RBFOX1: variants seen among roughly 807,000 people sequenced by gnomAD.
The protein encoded by RBFOX1 is RNA binding protein fox-1 homolog 1.
A neutral mutation model predicts 57.7 loss-of-function variants in RBFOX1; 8 were observed. The observed-to-expected ratio is 0.14, with a 90% CI of 0.08 to 0.25. The LOEUF (loss-of-function observed/expected upper bound fraction) is 0.25. RBFOX1 is among the 10% of genes least tolerant of loss of function. The pLI, the probability that RBFOX1 is intolerant of heterozygous loss-of-function variation, is 1.00. For missense variants in RBFOX1, 611 were observed against 548.5 expected (o/e 1.11, Z -1.14); for synonymous variants, 326 against 222.4 (o/e 1.47, Z -4.15).
In RBFOX1 at chr16:5,805,065, G is replaced by T. The variant is rs183801046; in HGVS notation, c.319-62238G>T. ...CAGTTTGGGGAGCATTGAGTTGTTT[G>T]AATCAAAAGAAGGTGATCTAGTGTG... On this transcript the variant is annotated intron_variant, in intron 3 of 19. Coordinates refer to the RBFOX1 transcript ENST00000641259. 1.1e-3 allele frequency among the ~76,000 whole-genome samples: 172 copies of T among 152,222 alleles called. 1 individual carries two copies. Among genetic ancestry groups the T allele is most frequent in the Non-Finnish European group, 1.3e-3 (89 of 68,016 alleles).
chr16:6,215,569 G>T (rs139295535), intron 1 of RBFOX1, among the ~76,000 whole-genome samples: 21 of 152,212 alleles, frequency 1.4e-4, no homozygotes, highest in African/African-American at 4.8e-4. Context: ...ACTAGCAGTT[G>T]TAAACACACC....
intron 2 of RBFOX1, among the ~76,000 whole-genome samples, chr16:6,357,141 G>T (rs1176161532): frequency 6.6e-6 from 1 of 151,986 alleles, no homozygotes; most frequent in African/African-American, 2.4e-5. Context: ...ATTTTAGTTT[G>T]CTTCCAATGG....
At chr16:6,794,942 T>C (rs781424590) in intron 3 of RBFOX1, among the ~76,000 whole-genome samples, 2 of 152,136 alleles carry the variant, frequency 1.3e-5, no homozygotes, top group Non-Finnish European at 2.9e-5. Flanking sequence ...ACCTCAAATA[T>C]TGAGTAATTT....
chr16:6,501,187 C>T (rs1486179013), intron 2 of RBFOX1, among the ~76,000 whole-genome samples: 2 of 144,616 alleles, frequency 1.4e-5, no homozygotes, highest in African/African-American at 5.2e-5. Flanking sequence ...ATGTGCACAA[C>T]GTGCAGGTTT....
chr16:5,821,391 C>T (rs1054254738), intron 3 of RBFOX1, among the ~76,000 whole-genome samples: 2 of 147,632 alleles, frequency 1.4e-5, no homozygotes, highest in Admixed American at 1.4e-4. Context: ...TAGCCTTTGA[C>T]TCCTGGACAT....
Position 7,005,369 on chromosome 16 carries a change from A to C in RBFOX1, c.-15-46688A>C, listed in dbSNP as rs117513960. 7.6e-3 allele frequency among the ~76,000 whole-genome samples: 1,153 copies of C among 152,272 alleles called. 8 individuals are homozygous for C. The highest frequency in any genetic ancestry group is 0.012 in the Non-Finnish European group (804 of 68,024). ...GAGAAAGACTAAGTTGACTTATAGA[A>C]TAGAGGGATGGCAAGGAAACATCCC... On this transcript the variant is annotated intron_variant, in intron 3 of 15. Coordinates refer to ENST00000550418, the MANE Select transcript of RBFOX1 (RefSeq NM_018723.4).
rs185127443 is a variant in RBFOX1, at chr16:7,527,212, T to C, written c.270+8823T>C. Among the ~76,000 whole-genome samples, 147 of 152,312 alleles carry C rather than the reference T, an allele frequency of 9.7e-4. 1 individual carries two copies. Among genetic ancestry groups the C allele is most frequent in the African/African-American group, 3.4e-3 (143 of 41,572 alleles). ...AATTTGAAGACATGGGTACTGTCTC[T>C]TGTTTCCTTAGGAGCCTGAGCACTA... is the stretch of plus-strand genomic sequence containing the variant. On this transcript the variant is annotated intron_variant, in intron 5 of 15. Transcript: ENST00000550418.
Position 6,261,308 on chromosome 16 carries a change from G to A in RBFOX1, c.-126-55687G>A, listed in dbSNP as rs577112516. ...CCAAAATCAGTGTCTTTGAGTCCTGGTGTTAGCCTCATCTTTCAGTTTTTC... is the reference window on the plus strand; with the variant it reads ...CCAAAATCAGTGTCTTTGAGTCCTGATGTTAGCCTCATCTTTCAGTTTTTC... On this transcript the variant is annotated intron_variant, in intron 1 of 15. Transcript: ENST00000550418. Among the ~76,000 whole-genome samples the A allele has an allele frequency of 6.4e-4, 98 of 152,288 alleles. 1 individual carries two copies. The highest frequency in any genetic ancestry group is 2.0e-3 in the African/African-American group (82 of 41,572).
intron 1 of RBFOX1, among the ~76,000 whole-genome samples, chr16:6,048,835 A>G (rs1163310590): frequency 6.6e-6 from 1 of 152,112 alleles, no homozygotes; most frequent in Non-Finnish European, 1.5e-5. Flanking sequence ...TCCTTTTATG[A>G]CACAGGTGGT....
At chr16:5,247,016 A>G (rs1295424831) in intron 1 of RBFOX1, among the ~76,000 whole-genome samples, 1 of 152,074 alleles carries the variant, frequency 6.6e-6, no homozygotes, top group Non-Finnish European at 1.5e-5. Context: ...ATCAGGTGGT[A>G]TTTGTCGTTC....
chr16:6,826,565 C>G (rs1327978417), intron 3 of RBFOX1, among the ~76,000 whole-genome samples: 4 of 152,142 alleles, frequency 2.6e-5, no homozygotes, highest in African/African-American at 9.7e-5. Flanking sequence ...TGCGGGCATG[C>G]GTGCTCTCAC....
chr16:5,768,412 C>A (rs2053861862), intron 3 of RBFOX1, among the ~76,000 whole-genome samples: 1 of 152,134 alleles, frequency 6.6e-6, no homozygotes, highest in African/African-American at 2.4e-5. Flanking sequence ...TCAACATGAC[C>A]TCACTGTTTA....
At chr16:7,387,417 G>A (rs79217926) in intron 4 of RBFOX1, among the ~76,000 whole-genome samples, 1 of 152,174 alleles carries the variant, frequency 6.6e-6, no homozygotes, top group African/African-American at 2.4e-5. Flanking sequence ...TCACTGGATC[G>A]TACTGACATG....
intron 3 of RBFOX1, among the ~76,000 whole-genome samples, chr16:6,803,833 T>A (rs944548297): frequency 7.2e-5 from 11 of 152,132 alleles, no homozygotes; most frequent in African/African-American, 2.7e-4. Context: ...CATTTCTAAT[T>A]TTTTCCTAAA....
chr16:7,000,596 C>CTTTTTTTTTTTTTTTTT (rs759103545), intron 3 of RBFOX1, among the ~76,000 whole-genome samples: 178 of 92,562 alleles, frequency 1.9e-3, no homozygotes, highest in East Asian at 7.5e-3. Flanking sequence ...CTTTTTCTTT[C>CTTTTTTTTTTTTTTTTT]TTTTTTTTTT....
At chr16:5,390,291 C>CTT (rs549557876) in intron 1 of RBFOX1, among the ~76,000 whole-genome samples, 5 of 108,478 alleles carry the variant, frequency 4.6e-5, no homozygotes, top group African/African-American at 1.3e-4. Context: ...TTTTTTTTTT[C>CTT]TTTTTTTTTT....
intron 3 of RBFOX1, among the ~76,000 whole-genome samples, chr16:6,813,335 A>C (rs1057221770): frequency 6.6e-6 from 1 of 152,170 alleles, no homozygotes; most frequent in African/African-American, 2.4e-5. Flanking sequence ...AGTTGACCAC[A>C]TTCATGTAAC....
At chr16:5,413,206 A>C (rs1484468164) in intron 1 of RBFOX1, among the ~76,000 whole-genome samples, 1 of 152,172 alleles carries the variant, frequency 6.6e-6, no homozygotes, top group African/African-American at 2.4e-5. Context: ...TTAACTAAGA[A>C]AAAAAACCTG....
rs79756455 is a variant in RBFOX1 at position 7,290,839 on chromosome 16, T to C, written c.28-227308T>C. Among the ~76,000 whole-genome samples the C allele has an allele frequency of 3.3e-5, 5 of 152,322 alleles. No homozygotes were observed. In the East Asian group the frequency reaches 9.6e-4, roughly 29 times the overall value. Reference sequence around the variant, plus strand: ...AAGCAGACAGCTTATCTAAGCCTTCTGAGTCTCAGCATGCTTGTGGGTAAT... The same window carrying C: ...AAGCAGACAGCTTATCTAAGCCTTCCGAGTCTCAGCATGCTTGTGGGTAAT... On this transcript the variant is annotated intron_variant, in intron 4 of 15. Transcript: ENST00000550418.
Sources: allele counts gnomAD v4.1 joint callset (sites outside exome capture counted in the v4.1 genomes callset), GRCh38; gene constraint gnomAD v4.1.1; transcripts MANE v1.5; gene names NCBI Gene and HGNC (gene_info 2026-07-23, HGNC 2026-07-21).